COL4A1: variants seen among roughly 807,000 people sequenced by gnomAD.
The protein encoded by COL4A1 is collagen alpha-1(IV) chain.
In COL4A1, 40 loss-of-function variants were observed where a neutral mutation model predicts 216.6. The observed-to-expected ratio is 0.18, with a 90% CI of 0.14 to 0.24. The LOEUF is 0.24. Ranked by LOEUF, COL4A1 falls within the 10% of genes least tolerant of loss-of-function variation. COL4A1 has a pLI of 1.00. For synonymous variants in COL4A1, 839 were observed against 810.7 expected (o/e 1.03, Z -0.59); for missense variants, 1,628 against 2,196.8 (o/e 0.74, Z 5.18).
chr13:110,199,619 C>T lies in COL4A1; in HGVS notation c.1121-988G>A, dbSNP rs76314562. Reference sequence around the variant, plus strand: ...AACCAGACCCTCAGGGTGAGGAGGACGGTCAGGGAGCTGGGGGCGGGCAGA... The same window carrying T: ...AACCAGACCCTCAGGGTGAGGAGGATGGTCAGGGAGCTGGGGGCGGGCAGA... On this transcript the variant is annotated intron_variant, in intron 20 of 51. Coordinates refer to ENST00000375820, the MANE Select transcript of COL4A1 (RefSeq NM_001845.6). Among the ~76,000 whole-genome samples, 770 of 152,254 alleles carry T rather than the reference C, an allele frequency of 5.1e-3. 8 individuals carry two copies. Among genetic ancestry groups the T allele is most frequent in the African/African-American group, 0.018 (742 of 41,550 alleles).
chr13:110,243,935 T>C (rs11843610), intron 1 of COL4A1, among the ~76,000 whole-genome samples: 31,610 of 152,032 alleles, frequency 0.21, 3,900 homozygotes, highest in African/African-American at 0.34. Context: ...CGTCGGTACA[T>C]ACACGCACTT....
At chr13:110,273,992 C>T (rs637369) in intron 1 of COL4A1, among the ~76,000 whole-genome samples, 1 of 152,248 alleles carries the variant, frequency 6.6e-6, no homozygotes, top group South Asian at 2.1e-4. Flanking sequence ...TCTAGGGCCT[C>T]ATCAAATTAA....
At chr13:110,271,602 C>T (rs921556232) in intron 1 of COL4A1, among the ~76,000 whole-genome samples, 4 of 152,162 alleles carry the variant, frequency 2.6e-5, no homozygotes, top group Non-Finnish European at 4.4e-5. Context: ...TGCCAGCCCC[C>T]GCCCTGACCC....
intron 1 of COL4A1, among the ~76,000 whole-genome samples, chr13:110,293,156 G>A (rs1319513025): frequency 2.0e-5 from 3 of 152,174 alleles, no homozygotes. Context: ...GTTGGGGGCT[G>A]GAGGTTTAGC....
chr13:110,292,642 G>A (rs563998967), intron 1 of COL4A1, among the ~76,000 whole-genome samples: 2 of 152,158 alleles, frequency 1.3e-5, no homozygotes, highest in Non-Finnish European at 2.9e-5. Flanking sequence ...GAGAGAGAGC[G>A]AAGGAGAAAG....
Position 110,161,273 on chromosome 13 carries a change from G to A in COL4A1, c.4559C>T (p.Ser1520Leu), listed in dbSNP as rs1216989867. Residue 1520 changes from serine to leucine, a missense_variant, in exon 49 of 52, where the codon TCG (serine) becomes TTG (leucine). By Grantham distance (145) the Ser-to-Leu change is moderately radical. Coordinates refer to ENST00000375820, the MANE Select transcript of COL4A1 (RefSeq NM_001845.6). ...VCNFASRNDY[S>L]YWLSTPEPMP... ...GGGCTCAGGGGTGGACAGCCAGTACGAGTAGTCATTTCGTGATGCAAAGTT... is the reference window on the plus strand; with the variant it reads ...GGGCTCAGGGGTGGACAGCCAGTACAAGTAGTCATTTCGTGATGCAAAGTT... The A allele has an allele frequency of 4.3e-6, 7 of 1,614,198 alleles. No homozygotes were observed. Among genetic ancestry groups the A allele is most frequent in the Admixed American group, 1.7e-5 (1 of 60,026 alleles).
At chr13:110,181,210 AC>A in intron 29 of COL4A1, 81 bp downstream of exon 29, 3 of 1,344,054 alleles carry the variant, frequency 2.2e-6, no homozygotes, top group Non-Finnish European at 3.2e-6. Context: ...ATGTCCTGGG[AC>A]GTTCACAACC....
intron 36 of COL4A1, 24 bp downstream of exon 36, chr13:110,176,400 A>T: frequency 6.6e-7 from 1 of 1,524,906 alleles, no homozygotes. Flanking sequence ...CATGCTAAAG[A>T]ATCCTCTTCT....
chr13:110,205,348 T>TTTAC lies in COL4A1; in HGVS notation c.957+1_957+4dup. 1.2e-6 allele frequency: 2 copies of TTTAC among 1,614,018 alleles called. No homozygotes were observed. Among genetic ancestry groups the TTTAC allele is most frequent in the South Asian group, 2.2e-5 (2 of 91,062 alleles). ...ATAAAGGCTCACAATAGTGCCAGCG[T>TTTAC]TTACCTGCGGGCCCTGGCGGCCTAT... On this transcript the variant is annotated splice_donor_region_variant and intron_variant, in intron 17 of 51. Coordinates refer to ENST00000375820, the MANE Select transcript of COL4A1 (RefSeq NM_001845.6).
intron 2 of COL4A1, among the ~76,000 whole-genome samples, chr13:110,216,574 A>G (rs1594590377): frequency 6.6e-6 from 1 of 152,212 alleles, no homozygotes; most frequent in Non-Finnish European, 1.5e-5. Context: ...CCATGAGACC[A>G]GCGATGATAA....
intron 1 of COL4A1, among the ~76,000 whole-genome samples, chr13:110,299,751 CT>C (rs1020527476): frequency 9.2e-5 from 14 of 152,204 alleles, no homozygotes; most frequent in African/African-American, 2.9e-4. Context: ...GAGAAACAGA[CT>C]TTTCTTTTGC....
Position 110,168,027 on chromosome 13 carries a change from C to CT in COL4A1, c.3877-798dup, listed in dbSNP as rs112520964. On this transcript the variant is annotated intron_variant, in intron 43 of 51. Transcript: ENST00000375820. ...ATGGGGTGTATTTCTTTTTCTTCCT[C>CT]TTTTTTTTTTGAGACAGAGTCTCGC... Among the ~76,000 whole-genome samples, 131 of 150,474 alleles carry CT rather than the reference C, an allele frequency of 8.7e-4. 2 individuals carry two copies. The East Asian group carries it at 9.6e-3, about 11-fold the overall frequency.
Position 110,192,285 on chromosome 13 carries a change from C to A in COL4A1, c.1466-1G>T, listed in dbSNP as rs201606177. On this transcript the variant is annotated splice_acceptor_variant, in intron 23 of 51. Transcript: ENST00000375820. LOFTEE classifies it high-confidence loss of function. ...TTGGCCCCTGGCTGCCCTGGGAAAC[C>A]TTTCGTGAGAGAGAGGGAAAAAGAC... 21 of 1,614,030 alleles carry A rather than the reference C, an allele frequency of 1.3e-5. No homozygotes were observed. Among genetic ancestry groups the A allele is most frequent in the Non-Finnish European group, 1.7e-5 (20 of 1,180,022 alleles).
At chr13:110,208,483 G>A (rs756226239) in intron 12 of COL4A1, among the ~76,000 whole-genome samples, 19 of 152,172 alleles carry the variant, frequency 1.2e-4, no homozygotes, top group Non-Finnish European at 2.2e-4. Flanking sequence ...GTGGACTCCC[G>A]CTCTGCAGGG....
intron 1 of COL4A1, among the ~76,000 whole-genome samples, chr13:110,250,949 CAT>C (rs1233816836): frequency 2.0e-5 from 3 of 152,232 alleles, no homozygotes; most frequent in Non-Finnish European, 2.9e-5. Flanking sequence ...ATCTCCCACC[CAT>C]AGAGTTGTCA....
chr13:110,253,481 A>G (rs1882326151), intron 1 of COL4A1, among the ~76,000 whole-genome samples: 1 of 59,896 alleles, frequency 1.7e-5, no homozygotes, highest in African/African-American at 4.7e-5. Flanking sequence ...ATATAATTAT[A>G]TGTATTATAT....
At chr13:110,173,557 A>G (rs1165966847) in intron 40 of COL4A1, among the ~76,000 whole-genome samples, 2 of 152,080 alleles carry the variant, frequency 1.3e-5, no homozygotes, top group African/African-American at 4.8e-5. Flanking sequence ...CAAAGAAAAG[A>G]GTTTTGTTTT....
intron 26 of COL4A1, among the ~76,000 whole-genome samples, chr13:110,186,027 G>A (rs1878387368): frequency 6.6e-6 from 1 of 152,202 alleles, no homozygotes; most frequent in Non-Finnish European, 1.5e-5. Flanking sequence ...GGGATGCACA[G>A]AAGCCAAAAT....
Position 110,260,160 on chromosome 13 carries a change from G to GAA in COL4A1, c.85-17428_85-17427dup, listed in dbSNP as rs1307267764. On this transcript the variant is annotated intron_variant, in intron 1 of 51. Coordinates refer to ENST00000375820, the MANE Select transcript of COL4A1 (RefSeq NM_001845.6). ...AATTTATAAAGAAAAAAGGTTTAAT[G>GAA]AACTCACAGTTCCACATGGCTGGGG... Among the ~76,000 whole-genome samples the GAA allele has an allele frequency of 3.1e-3, 479 of 152,212 alleles. 6 individuals are homozygous for GAA. Among genetic ancestry groups the GAA allele is most frequent in the African/African-American group, 0.011 (452 of 41,530 alleles).
Sources: gnomAD v4.1 joint callset for allele counts (sites outside exome capture counted in the v4.1 genomes callset) on GRCh38, gnomAD v4.1.1 for gene constraint, MANE v1.5 for transcripts, NCBI Gene and HGNC (gene_info 2026-07-23, HGNC 2026-07-21) for gene names.